The following PLCH2 variants were observed in gnomAD, a reference collection of about 807,000 sequenced individuals.
The protein encoded by PLCH2 is 1-phosphatidylinositol 4,5-bisphosphate phosphodiesterase eta-2.
PLCH2 carries 98 observed loss-of-function variants against 134.7 expected under a neutral mutation model. That is an observed-to-expected ratio of 0.73 (90% CI 0.62 to 0.86). The LOEUF is 0.86. PLCH2 is among the 40% of genes least tolerant of loss of function. The probability of loss-of-function intolerance (pLI) is 0.00; values close to 1 mark genes in which losing one functional copy is unlikely to be tolerated. For synonymous variants in PLCH2, 974 were observed against 827.5 expected (o/e 1.18, Z -3.04); for missense variants, 1,994 against 1,986.6 (o/e 1.00, Z -0.07).
At chr1:2,495,438 C>T in intron 12 of PLCH2, 50 bp from the exon 13 acceptor site, 1 of 1,504,812 alleles carries the variant, frequency 6.6e-7, no homozygotes, top group Non-Finnish European at 9.0e-7. Flanking sequence ...TTCGCCAAGG[C>T]CTGGCCTGGG....
upstream of PLCH2, among the ~76,000 whole-genome samples, chr1:2,425,308 C>T (rs1160250407): frequency 6.6e-6 from 1 of 151,692 alleles, no homozygotes. Flanking sequence ...TACACATATA[C>T]ATACACACAT....
chr1:2,495,596 C>T (rs1334646477), intron 13 of PLCH2, 26 bp downstream of exon 13: 3 of 1,499,716 alleles, frequency 2.0e-6, no homozygotes, highest in Admixed American at 2.1e-5. Flanking sequence ...CACGGGGAGG[C>T]CCCGCACACT....
At chr1:2,459,410 TGGTGGTCCTCCTTGCC>T (rs1557969397) in intron 2 of PLCH2, among the ~76,000 whole-genome samples, 15,738 of 99,316 alleles carry the variant, frequency 0.16, 5,001 homozygotes, top group Non-Finnish European at 0.21. Context: ...TTCTCCTTCC[TGGTGGTCCTCCTTGCC>T]GGTGGTCCTC....
intron 2 of PLCH2, chr1:2,479,446 C>G: frequency 2.8e-6 from 1 of 359,660 alleles, no homozygotes; most frequent in Non-Finnish European, 5.2e-6. Context: ...CCGGGCCAGC[C>G]GGGCACTGGG....
chr1:2,455,439 G>A (rs34672163), intron 2 of PLCH2, among the ~76,000 whole-genome samples: 20,493 of 152,216 alleles, frequency 0.13, 1,601 homozygotes, highest in East Asian at 0.28. Flanking sequence ...GCCTGTGCTA[G>A]GTTGGGAGAC....
intron 4 of PLCH2, among the ~76,000 whole-genome samples, chr1:2,482,596 A>G (rs906223191): frequency 1.3e-5 from 2 of 152,096 alleles, no homozygotes; most frequent in African/African-American, 4.8e-5. Context: ...ACCCACCTTC[A>G]TGCCAAGCCG....
At chr1:2,429,176 C>T (rs2100477823) in intron 1 of PLCH2, among the ~76,000 whole-genome samples, 1 of 152,244 alleles carries the variant, frequency 6.6e-6, no homozygotes, top group South Asian at 2.1e-4. Context: ...GTCCTACCTG[C>T]CAGGGCTCCT....
rs751576339 is a variant in PLCH2 at position 2,495,552 on chromosome 1, C to T, written c.1817C>T (p.Pro606Leu). 40 of 1,549,378 alleles carry T rather than the reference C, an allele frequency of 2.6e-5. No individual in the cohort carries two copies. Among genetic ancestry groups the T allele is most frequent in the Middle Eastern group, 1.7e-4 (1 of 5,860 alleles). The change falls in exon 13 of 22, where the codon CCG becomes CTG. Residue 606 changes from proline (P) to leucine (L), a missense_variant. Physicochemically the swap from Pro to Leu is moderately conservative, Grantham distance 98 (BLOSUM62 -3). Around this residue, in one of 2 missense-constraint regions of PLCH2, gnomAD observed 1,094 missense variants for 1,234.3 expected, o/e 0.89. Coordinates refer to ENST00000378486, the MANE Select transcript of PLCH2 (RefSeq NM_014638.4). ...GAGGGAGATGAGGGTCAGGACTCCC[C>T]GGGAGGCCAGAGCCGAGGGTAGGTG... ...VEEGDEGQDS[P>L]GGQSRGATRQ...
chr1:2,416,694 C>G, the PLCH2 span, among the ~76,000 whole-genome samples: 3 of 152,192 alleles, frequency 2.0e-5, no homozygotes, highest in Non-Finnish European at 4.4e-5. Context: ...ATGAAGGCCT[C>G]CTGGAGCCTC....
At chr1:2,455,815 C>T (rs1284275210) in intron 2 of PLCH2, among the ~76,000 whole-genome samples, 1 of 152,176 alleles carries the variant, frequency 6.6e-6, no homozygotes, top group Non-Finnish European at 1.5e-5. Flanking sequence ...CCCTGCAGGG[C>T]CTCCCTCCCC....
chr1:2,467,782 C>A (rs1365722079), intron 1 of PLCH2: 3 of 397,994 alleles, frequency 7.5e-6, no homozygotes, highest in East Asian at 7.2e-5. Context: ...GACCCACTGA[C>A]CCCCCGTGGG....
At chr1:2,489,479 C>A in intron 9 of PLCH2, 101 bp downstream of exon 9, 1 of 1,258,228 alleles carries the variant, frequency 7.9e-7, no homozygotes, top group Non-Finnish European at 1.1e-6. Flanking sequence ...CATCCATGGG[C>A]ATATCTAGGG....
At chr1:2,488,389 G>A (rs966312735) in intron 8 of PLCH2, among the ~76,000 whole-genome samples, 3 of 152,192 alleles carry the variant, frequency 2.0e-5, no homozygotes, top group African/African-American at 7.2e-5. Context: ...TCAGGACAGA[G>A]TTGCACCTAT....
the PLCH2 span, among the ~76,000 whole-genome samples, chr1:2,416,627 C>T: frequency 6.6e-6 from 1 of 152,360 alleles, no homozygotes; most frequent in Non-Finnish European, 1.5e-5. Flanking sequence ...GGCAGAGGCC[C>T]CAGAGCCAAG....
chr1:2,472,336 C>T (rs928363659), upstream of PLCH2, among the ~76,000 whole-genome samples: 1 of 152,152 alleles, frequency 6.6e-6, no homozygotes, highest in Non-Finnish European at 1.5e-5. Context: ...GGCAAGGTGG[C>T]CACTTCCTCC....
At chr1:2,469,424 C>G (rs904540323) in intron 1 of PLCH2, among the ~76,000 whole-genome samples, 2 of 152,218 alleles carry the variant, frequency 1.3e-5, no homozygotes, top group South Asian at 2.1e-4. Flanking sequence ...CTCCACGTGC[C>G]GCCGAGGACG....
chr1:2,488,942 T>C (rs1642419444), intron 8 of PLCH2, among the ~76,000 whole-genome samples: 1 of 152,228 alleles, frequency 6.6e-6, no homozygotes, highest in African/African-American at 2.4e-5. Context: ...CCTTTGTTTT[T>C]TTTCTTATTG....
At chr1:2,430,757 G>A (rs1246769443) in intron 2 of PLCH2, 1 of 152,276 alleles carries the variant, frequency 6.6e-6, no homozygotes. Flanking sequence ...CTGATGTCCC[G>A]TGATGTCACC....
At chr1:2,458,287 C>T (rs1052119225) in intron 2 of PLCH2, among the ~76,000 whole-genome samples, 1 of 152,232 alleles carries the variant, frequency 6.6e-6, no homozygotes, top group Admixed American at 6.5e-5. Context: ...GTCCTGCCGT[C>T]CAGACACTGG....
Sources: gnomAD v4.1 joint callset for allele counts (sites outside exome capture counted in the v4.1 genomes callset) on GRCh38, gnomAD v4.1.1 for gene constraint, gnomAD v4.1.1 regional missense constraint, MANE v1.5 for transcripts, NCBI Gene and HGNC (gene_info 2026-07-23, HGNC 2026-07-21) for gene names.